The following PDE6B variants were observed in gnomAD, a reference collection of about 807,000 sequenced individuals.
PDE6B encodes the protein phosphodiesterase 6B, also known as rod cGMP-specific 3',5'-cyclic phosphodiesterase subunit beta.
In PDE6B, 106 loss-of-function variants were observed where a neutral mutation model predicts 109.0. That is an observed-to-expected ratio of 0.97 (90% confidence interval 0.83 to 1.14). The LOEUF (loss-of-function observed/expected upper bound fraction) is 1.14. PDE6B is among the 50% of genes most tolerant of loss of function. PDE6B has a pLI of 0.00. For missense variants in PDE6B, 1,193 were observed against 1,155.6 expected, an observed-to-expected ratio of 1.03 and a Z score of -0.47; for synonymous variants, 490 against 471.3, an observed-to-expected ratio of 1.04 and a Z score of -0.51.
intron 12 of PDE6B, 42 bp downstream of exon 12, chr4:660,655 G>T (rs372863330): frequency 1.3e-6 from 2 of 1,585,490 alleles, no homozygotes; most frequent in South Asian, 1.1e-5. Flanking sequence ...CCCTGAGGCC[G>T]CCCAGGACAT....
At chr4:627,654 T>TC (rs1734178820) in intron 1 of PDE6B, among the ~76,000 whole-genome samples, 1 of 130,408 alleles carries the variant, frequency 7.7e-6, no homozygotes, top group African/African-American at 2.9e-5. Context: ...TGCTCCTCCC[T>TC]CCCCCCGTTC....
At position 663,294 on chromosome 4, in the gene PDE6B, A is replaced by G; in HGVS notation, c.1920+107A>G. Reference sequence around the variant, plus strand: ...CAGGGTTCTGATGCAGCGGGTGAGCACTGGGTGTGTGAGCACTGGGGGAGG... The same window carrying G: ...CAGGGTTCTGATGCAGCGGGTGAGCGCTGGGTGTGTGAGCACTGGGGGAGG... On this transcript the variant is annotated intron_variant, in intron 15 of 21. Transcript: ENST00000496514. The surrounding 1 kb of genome is among the most constrained non-coding windows in gnomAD (Gnocchi z 4.0). 9.3e-6 allele frequency: 7 copies of G among 756,030 alleles called. No individual in the cohort carries two copies. The highest frequency in any genetic ancestry group is 1.7e-5 in the Non-Finnish European group (7 of 413,178). 46.8% of individuals were successfully genotyped at this position (756,030 alleles called of 1,614,324 possible).
Position 641,795 on chromosome 4 carries a change from C to T in PDE6B, c.711+5826C>T, listed in dbSNP as rs182366000. Among the ~76,000 whole-genome samples, 1,460 of 152,236 alleles carry T rather than the reference C, an allele frequency of 9.6e-3. 19 individuals carry two copies. The highest frequency in any genetic ancestry group is 0.041 in the Middle Eastern group (12 of 294). On this transcript the variant is annotated intron_variant, in intron 3 of 21. Transcript: ENST00000496514. ...CCAAGTAGCTGAGACTACTGATGTG[C>T]ATCACCATGCCCACCTAATTTTTGT...
chr4:664,208 A>C lies in PDE6B; in HGVS notation c.2116A>C (p.Lys706Gln). Residue 706 changes from lysine to glutamine, a missense_variant, in exon 17 of 22, where the codon AAG (lysine) becomes CAG (glutamine). Transcript: ENST00000496514. ...VEYLSLETTR[K>Q]EIVMAMMMTA... ...GTACCTGTCCCTGGAGACGACCCGG[A>C]AGGAGATCGTCATGTGAGCGCGGGC... 6.3e-7 allele frequency: 1 copy of C among 1,597,194 alleles called. No homozygotes were observed. The highest frequency in any genetic ancestry group is 8.6e-7 in the Non-Finnish European group (1 of 1,164,984).
At chr4:647,739 T>A (rs755397686) in intron 3 of PDE6B, among the ~76,000 whole-genome samples, 2 of 151,914 alleles carry the variant, frequency 1.3e-5, no homozygotes, top group Non-Finnish European at 2.9e-5. Context: ...CGCAATCTAG[T>A]ACACAGCGGG....
intron 3 of PDE6B, among the ~76,000 whole-genome samples, chr4:639,904 G>A (rs929790477): frequency 6.6e-6 from 1 of 152,012 alleles, no homozygotes; most frequent in Non-Finnish European, 1.5e-5. Flanking sequence ...CCAGGAGCTG[G>A]GTCTCCCCCT....
At chr4:669,458 C>G (rs1288651622) in intron 21 of PDE6B, among the ~76,000 whole-genome samples, 4 of 134,084 alleles carry the variant, frequency 3.0e-5, no homozygotes, top group Admixed American at 7.1e-5. Context: ...TTCCCACTAC[C>G]CCATGCTATT....
intron 21 of PDE6B, 88 bp downstream of exon 21, chr4:668,094 G>A (rs899977940): frequency 8.2e-6 from 11 of 1,345,840 alleles, no homozygotes; most frequent in Admixed American, 1.8e-5. Flanking sequence ...GAGTTAAAAT[G>A]GAGAAAAGCA....
At chr4:669,225 TTCCCCTACCCTATGCTGC>T (rs1197290220) in intron 21 of PDE6B, among the ~76,000 whole-genome samples, 74 of 95,982 alleles carry the variant, frequency 7.7e-4, no homozygotes, top group Admixed American at 8.5e-4. Flanking sequence ...CCCCATGCTA[TTCCCCTACCCTATGCTGC>T]TCCCACTACC....
At position 626,123 on chromosome 4, in the gene PDE6B, G is replaced by A. The variant is rs749297215; in HGVS notation, c.468+29G>A. The A allele has an allele frequency of 1.0e-5, 14 of 1,340,788 alleles. No individual in the cohort carries two copies. The highest frequency in any genetic ancestry group is 6.2e-5 in the South Asian group (5 of 80,142). The allele number at this position is 1,340,788 out of a possible 1,614,324, so 83.1% of individuals were successfully genotyped here. On this transcript the variant is annotated intron_variant, in intron 1 of 21. Transcript: ENST00000496514. This position sits in a 1 kb window ranked among gnomAD's most constrained non-coding sequence, Gnocchi z 4.6. Reference sequence around the variant, plus strand: ...GGTCTGTGCGGAGCCTCAGGGAGGCGGCTGTGTGCATCTCTTGCACCTGTC... The same window carrying A: ...GGTCTGTGCGGAGCCTCAGGGAGGCAGCTGTGTGCATCTCTTGCACCTGTC...
At position 635,973 on chromosome 4, in the gene PDE6B, C is replaced by G. The variant is rs778325277; in HGVS notation, c.711+4C>G. On this transcript the variant is annotated splice_donor_region_variant and intron_variant, in intron 3 of 21. Coordinates refer to ENST00000496514, the MANE Select transcript of PDE6B (RefSeq NM_000283.4). ...CTGCGAGACGCGCCGCGGCCAGGTA[C>G]CCACACGCTGAGCACAGCTCTGCCC... The G allele has an allele frequency of 6.4e-7, 1 of 1,561,340 alleles. No individual in the cohort carries two copies. The highest frequency in any genetic ancestry group is 1.7e-5 in the Admixed American group (1 of 59,982).
At position 665,006 on chromosome 4, in the gene PDE6B, C is replaced by T. The variant is rs1050732756; in HGVS notation, c.2193+62C>T. On this transcript the variant is annotated intron_variant, in intron 18 of 21. Transcript: ENST00000496514. The surrounding 1 kb of genome is among the most constrained non-coding windows in gnomAD (Gnocchi z 4.0). ...CCTCTCAGCACATGGGACTGCCGGG[C>T]GGGCGGGAGCCTCGGATGGCAACGG... is the stretch of plus-strand genomic sequence containing the variant. The T allele has an allele frequency of 8.5e-5, 114 of 1,343,130 alleles. No individual in the cohort carries two copies. The highest frequency in any genetic ancestry group is 1.6e-4 in the South Asian group (14 of 85,738). The allele number at this position is 1,343,130 out of a possible 1,614,324, so 83.2% of individuals were successfully genotyped here. A position where few individuals can be genotyped will look rare whatever the true frequency, so the allele number is the denominator to read the frequency against.
At position 665,191 on chromosome 4, in the gene PDE6B, G is replaced by GCGGGCC; in HGVS notation, c.2194-56_2194-51dup. 1 of 1,224,994 alleles carries GCGGGCC rather than the reference G, an allele frequency of 8.2e-7. No individual in the cohort carries two copies. The highest frequency in any genetic ancestry group is 1.2e-6 in the Non-Finnish European group (1 of 842,304). The allele number at this position is 1,224,994 out of a possible 1,614,324, so 75.9% of individuals were successfully genotyped here. A position where few individuals can be genotyped will look rare whatever the true frequency, so the allele number is the denominator to read the frequency against. Reference sequence around the variant, plus strand: ...AGACCGAGGCTCGGAGCCTCACGGGGCGGGCCCGGGCCCTTCCGCGTGGGC... The same window carrying GCGGGCC: ...AGACCGAGGCTCGGAGCCTCACGGGGCGGGCCCGGGCCCGGGCCCTTCCGCGTGGGC... On this transcript the variant is annotated intron_variant, in intron 18 of 21. Coordinates refer to ENST00000496514, the MANE Select transcript of PDE6B (RefSeq NM_000283.4). The surrounding 1 kb of genome is among the most constrained non-coding windows in gnomAD (Gnocchi z 4.0).
chr4:663,342 G>A lies in PDE6B; in HGVS notation c.1920+155G>A, dbSNP rs937762722. On this transcript the variant is annotated intron_variant, in intron 15 of 21. Coordinates refer to ENST00000496514, the MANE Select transcript of PDE6B (RefSeq NM_000283.4). The surrounding 1 kb of genome is among the most constrained non-coding windows in gnomAD (Gnocchi z 4.0). ...AGGGCGGCAGAGAAGGCGGAGGGCC[G>A]AGGCTGAGGGCAGGTGCATCGGAGG... Among the ~76,000 whole-genome samples, 2 of 152,220 alleles carry A rather than the reference G, an allele frequency of 1.3e-5. No homozygotes were observed. Among genetic ancestry groups the A allele is most frequent in the Admixed American group, 6.5e-5 (1 of 15,290 alleles).
chr4:657,134 G>C, intron 9 of PDE6B, 111 bp downstream of exon 9: 1 of 1,270,500 alleles, frequency 7.9e-7, no homozygotes, highest in Admixed American at 1.7e-5. Flanking sequence ...GTGCTCATGT[G>C]TGTGCGGTAT....
chr4:634,114 G>A (rs543861004), intron 1 of PDE6B, among the ~76,000 whole-genome samples: 1 of 152,168 alleles, frequency 6.6e-6, no homozygotes, highest in Non-Finnish European at 1.5e-5. Flanking sequence ...CCAGAGGGGT[G>A]GAGGACAGAC....
At chr4:647,808 C>T (rs1306074999) in intron 3 of PDE6B, among the ~76,000 whole-genome samples, 1 of 152,044 alleles carries the variant, frequency 6.6e-6, no homozygotes, top group Non-Finnish European at 1.5e-5. Flanking sequence ...TGTGATGGCT[C>T]ATGCCTGTAA....
chr4:659,444 T>C (rs1396966624), intron 11 of PDE6B, among the ~76,000 whole-genome samples: 1 of 152,142 alleles, frequency 6.6e-6, no homozygotes, highest in East Asian at 1.9e-4. Flanking sequence ...TGCACGCACA[T>C]GGGTGTCTGT....
At position 626,221 on chromosome 4, in the gene PDE6B, G is replaced by T. The variant is rs1293335123; in HGVS notation, c.468+127G>T. 9.3e-6 allele frequency: 6 copies of T among 648,516 alleles called. No homozygotes were observed. The African/African-American group carries it at 1.1e-4, about 12-fold the overall frequency. The allele number at this position is 648,516 out of a possible 1,614,324, so 40.2% of individuals were successfully genotyped here. On this transcript the variant is annotated intron_variant, in intron 1 of 21. Coordinates refer to ENST00000496514, the MANE Select transcript of PDE6B (RefSeq NM_000283.4). The surrounding 1 kb of genome is among the most constrained non-coding windows in gnomAD (Gnocchi z 4.6). The stretch of plus-strand genomic sequence containing the variant: ...TCTTGTCAGGGCACAGGCTAGTTCT[G>T]TGCTGAGGAGCAAGTACCTAGAGCC...
Sources: allele counts gnomAD v4.1 joint callset (sites outside exome capture counted in the v4.1 genomes callset), GRCh38; gene constraint gnomAD v4.1.1; non-coding constraint Gnocchi (gnomAD v3.1); transcripts MANE v1.5; gene names NCBI Gene and HGNC (gene_info 2026-07-23, HGNC 2026-07-21).